The following WDFY4 variants were observed in gnomAD, a reference collection of about 807,000 sequenced individuals.
The protein encoded by WDFY4 is WDFY family member 4, also known as WD repeat- and FYVE domain-containing protein 4.
Under a neutral mutation model 351.9 loss-of-function variants are expected in WDFY4, and 169 were observed. That is an observed-to-expected ratio of 0.48 (90% CI 0.42 to 0.55). The LOEUF (loss-of-function observed/expected upper bound fraction) is 0.55, where lower values mean the gene tolerates loss of function less well. WDFY4 is among the 20% of genes least tolerant of loss of function. The pLI is 0.00. For missense variants in WDFY4, 3,803 were observed against 3,935.6 expected, an observed-to-expected ratio of 0.97 and a Z score of 0.90; for synonymous variants, 1,622 against 1,574.6, an observed-to-expected ratio of 1.03 and a Z score of -0.71.
chr10:48,695,101 A>C (rs2132108706), intron 1 of WDFY4, among the ~76,000 whole-genome samples: 1 of 152,374 alleles, frequency 6.6e-6, no homozygotes, highest in Non-Finnish European at 1.5e-5. Context: ...CCTGGAGGAC[A>C]AATGACTGAC....
intron 39 of WDFY4, among the ~76,000 whole-genome samples, chr10:48,840,710 C>T (rs2068575297): frequency 1.3e-5 from 2 of 152,184 alleles, no homozygotes; most frequent in South Asian, 4.1e-4. Context: ...ATCACCAGTA[C>T]AGCATTAGTA....
intron 47 of WDFY4, among the ~76,000 whole-genome samples, chr10:48,917,544 G>A (rs1264597284): frequency 4.6e-5 from 7 of 152,212 alleles, no homozygotes; most frequent in Non-Finnish European, 1.0e-4. Context: ...AGGAATGACT[G>A]CAGGTTTCTC....
chr10:48,718,181 G>A (rs1313454411), intron 2 of WDFY4, among the ~76,000 whole-genome samples: 11 of 151,904 alleles, frequency 7.2e-5, no homozygotes, highest in Admixed American at 7.2e-4. Flanking sequence ...CTTTTTTTCA[G>A]TTGTCTATTT....
intron 6 of WDFY4, among the ~76,000 whole-genome samples, chr10:48,726,797 A>G (rs57683748): frequency 0.028 from 4,289 of 152,306 alleles, 210 homozygotes; most frequent in African/African-American, 0.098. Context: ...TCTCTGATCC[A>G]CTGGATTGGC....
At chr10:48,889,570 A>G (rs2070605046) in intron 43 of WDFY4, among the ~76,000 whole-genome samples, 2 of 152,174 alleles carry the variant, frequency 1.3e-5, no homozygotes, top group African/African-American at 4.8e-5. Context: ...CCATGAGAAA[A>G]TGCTGGCCTC....
At chr10:48,941,136 A>T (rs1190640748) in intron 47 of WDFY4, among the ~76,000 whole-genome samples, 1 of 152,156 alleles carries the variant, frequency 6.6e-6, no homozygotes, top group Non-Finnish European at 1.5e-5. Flanking sequence ...GTTAGGATCC[A>T]GCTGTGCAAC....
intron 12 of WDFY4, among the ~76,000 whole-genome samples, chr10:48,754,227 T>C (rs2065264862): frequency 7.2e-6 from 1 of 139,692 alleles, no homozygotes; most frequent in Admixed American, 7.2e-5. Flanking sequence ...TGGATATTGG[T>C]AGGTTTTTTT....
chr10:48,752,352 G>C (rs1389978183), intron 12 of WDFY4, among the ~76,000 whole-genome samples: 1 of 152,226 alleles, frequency 6.6e-6, no homozygotes, highest in Non-Finnish European at 1.5e-5. Flanking sequence ...TGCTCCAGGT[G>C]CTGGACATCT....
intron 47 of WDFY4, among the ~76,000 whole-genome samples, chr10:48,919,739 C>T (rs78933284): frequency 1.3e-5 from 2 of 152,298 alleles, no homozygotes; most frequent in East Asian, 1.9e-4. Context: ...ATCTAATTTC[C>T]TCATGATCTA....
intron 23 of WDFY4, among the ~76,000 whole-genome samples, chr10:48,791,709 G>A (rs900037050): frequency 8.5e-5 from 13 of 152,184 alleles, no homozygotes; most frequent in African/African-American, 1.9e-4. Flanking sequence ...GGCCAGGGTC[G>A]GAGTCTGGGC....
At chr10:48,781,347 A>T (rs2066219302) in intron 19 of WDFY4, among the ~76,000 whole-genome samples, 1 of 151,730 alleles carries the variant, frequency 6.6e-6, no homozygotes, top group East Asian at 1.9e-4. Flanking sequence ...CCCAGGCTGG[A>T]GTGCAATGGT....
chr10:48,820,083 A>G lies in WDFY4; in HGVS notation c.5506-151A>G, dbSNP rs975412983. 1.4e-5 allele frequency: 11 copies of G among 802,638 alleles called. No individual in the cohort carries two copies. The Admixed American group carries it at 2.3e-4, about 17-fold the overall frequency. The allele number at this position is 802,638 out of a possible 1,614,324, so 49.7% of individuals were successfully genotyped here. A position where few individuals can be genotyped will look rare whatever the true frequency, so the allele number is the denominator to read the frequency against. On this transcript the variant is annotated intron_variant, in intron 32 of 61. Transcript: ENST00000325239. ...AGCAGGCCACTTTATGAGCAGCTGG[A>G]TCCTGGGCAAGTTGCTTTCCTGTGC...
intron 51 of WDFY4, among the ~76,000 whole-genome samples, chr10:48,948,394 G>A (rs562016848): frequency 8.5e-5 from 13 of 152,326 alleles, no homozygotes; most frequent in African/African-American, 2.2e-4. Flanking sequence ...GATGATCACC[G>A]TTGACGATGA....
chr10:48,817,747 C>A (rs970432249), intron 32 of WDFY4, among the ~76,000 whole-genome samples: 29 of 152,198 alleles, frequency 1.9e-4, no homozygotes, highest in African/African-American at 6.5e-4. Flanking sequence ...TGCTGTGCAC[C>A]ACATGGGGGA....
At chr10:48,825,580 A>G (rs1409663524) in intron 35 of WDFY4, among the ~76,000 whole-genome samples, 1 of 152,244 alleles carries the variant, frequency 6.6e-6, no homozygotes, top group Non-Finnish European at 1.5e-5. Flanking sequence ...CCAACAGTGT[A>G]AAAGTGTTCC....
intron 35 of WDFY4, chr10:48,824,158 T>C: frequency 1.0e-6 from 1 of 985,464 alleles, no homozygotes; most frequent in Non-Finnish European, 1.2e-6. Flanking sequence ...TCTTCTGGAC[T>C]CCGTCTCCAG....
At chr10:48,685,953 G>C (rs1365021162) in intron 1 of WDFY4, among the ~76,000 whole-genome samples, 1 of 152,088 alleles carries the variant, frequency 6.6e-6, no homozygotes, top group African/African-American at 2.4e-5. Flanking sequence ...CTTCTGAGAG[G>C]GGACCTGTGA....
intron 13 of WDFY4, among the ~76,000 whole-genome samples, chr10:48,771,977 G>A (rs1192201670): frequency 2.0e-5 from 3 of 152,186 alleles, no homozygotes; most frequent in South Asian, 2.1e-4. Context: ...TGCATTCACA[G>A]CTTCTCCTGG....
At position 48,806,068 on chromosome 10, in the gene WDFY4, G is replaced by A. The variant is rs1172432744; in HGVS notation, c.4711G>A (p.Asp1571Asn). ...GGTGAATGAGAGGCAGATCTGCATG[G>A]ACGGAGCCCTGGACCCTTCCCTGCC... ...SSVNERQICMDGALDPSLPAG... is the reference protein window; with the variant it reads ...SSVNERQICMNGALDPSLPAG... The change falls in exon 27 of 62, where the codon GAC (aspartate) becomes AAC (asparagine). Residue 1571 changes from aspartate (D) to asparagine (N), a missense_variant. Coordinates refer to ENST00000325239, the MANE Select transcript of WDFY4 (RefSeq NM_001394531.1). 1.3e-6 allele frequency: 2 copies of A among 1,551,688 alleles called. No homozygotes were observed. The highest frequency in any genetic ancestry group is 2.4e-5 in the South Asian group (2 of 84,056).
Sources: allele counts gnomAD v4.1 joint callset (sites outside exome capture counted in the v4.1 genomes callset), GRCh38; gene constraint gnomAD v4.1.1; transcripts MANE v1.5; gene names NCBI Gene and HGNC (gene_info 2026-07-23, HGNC 2026-07-21).